Variants in TENM2 observed in about 807,000 individuals in gnomAD.
TENM2 encodes the protein teneurin-2.
Under a neutral mutation model 245.2 loss-of-function variants are expected in TENM2, and 52 were observed. The ratio of observed to expected loss-of-function variants is 0.21; its 90% CI spans 0.17 to 0.27. The LOEUF is 0.27. TENM2 is among the 10% of genes least tolerant of loss of function. The pLI is 1.00. For missense variants in TENM2, 3,046 were observed against 3,666.8 expected (o/e 0.83, Z 4.37); for synonymous variants, 1,363 against 1,438.9 (o/e 0.95, Z 1.19).
chr5:167,800,387 G>A (rs941002682), intron 2 of TENM2, among the ~76,000 whole-genome samples: 3 of 152,246 alleles, frequency 2.0e-5, no homozygotes, highest in East Asian at 1.9e-4. Context: ...GAAGTCTGTC[G>A]TGGAACACCC....
At chr5:166,987,107 G>A in the TENM2 span, among the ~76,000 whole-genome samples, 1 of 152,148 alleles carries the variant, frequency 6.6e-6, no homozygotes, top group Non-Finnish European at 1.5e-5. Context: ...GGTATATGAG[G>A]GGCACTGGTT....
intron 2 of TENM2, among the ~76,000 whole-genome samples, chr5:167,607,791 G>C (rs930787463): frequency 1.3e-5 from 2 of 152,170 alleles, no homozygotes; most frequent in African/African-American, 4.8e-5. Context: ...CCTGCCCTGT[G>C]TTGCTTCCAG....
At chr5:167,730,250 C>T (rs1760326203) in intron 2 of TENM2, among the ~76,000 whole-genome samples, 1 of 152,124 alleles carries the variant, frequency 6.6e-6, no homozygotes, top group African/African-American at 2.4e-5. Context: ...AATTTTTGGT[C>T]ACTTATGCAA....
intron 2 of TENM2, among the ~76,000 whole-genome samples, chr5:167,702,566 A>G (rs1357646239): frequency 1.4e-5 from 2 of 147,538 alleles, no homozygotes; most frequent in Non-Finnish European, 3.0e-5. Flanking sequence ...ATATATATAT[A>G]TATATACATA....
intron 2 of TENM2, among the ~76,000 whole-genome samples, chr5:167,512,483 C>T (rs1049792028): frequency 6.6e-6 from 1 of 152,164 alleles, no homozygotes; most frequent in African/African-American, 2.4e-5. Flanking sequence ...ATACAGATTA[C>T]AATCCCTACA....
chr5:166,988,619 G>A, the TENM2 span, among the ~76,000 whole-genome samples: 7 of 152,190 alleles, frequency 4.6e-5, no homozygotes, highest in African/African-American at 1.7e-4. Flanking sequence ...TCTGGCTAAC[G>A]TAGGTGGAAA....
At chr5:168,101,154 G>A (rs902250014) in intron 9 of TENM2, among the ~76,000 whole-genome samples, 2 of 152,064 alleles carry the variant, frequency 1.3e-5, no homozygotes, top group African/African-American at 2.4e-5. Context: ...TTTTCCTAGC[G>A]GAGGCTTTAA....
chr5:167,311,826 A>G (rs574693482), intron 1 of TENM2, among the ~76,000 whole-genome samples: 5 of 152,256 alleles, frequency 3.3e-5, no homozygotes, highest in African/African-American at 1.2e-4. Context: ...CATATTCTAA[A>G]TTTTTCAGCC....
intron 12 of TENM2, among the ~76,000 whole-genome samples, chr5:168,146,484 G>T (rs527901915): frequency 1.3e-5 from 2 of 152,226 alleles, no homozygotes; most frequent in South Asian, 4.2e-4. Flanking sequence ...TGTCTTTATC[G>T]CCCCTGCCTG....
chr5:167,760,436 C>T (rs1189524617), intron 2 of TENM2, among the ~76,000 whole-genome samples: 1 of 152,172 alleles, frequency 6.6e-6, no homozygotes, highest in Non-Finnish European at 1.5e-5. Context: ...GTGAGTTAGA[C>T]TTAGGCCCTA....
intron 2 of TENM2, among the ~76,000 whole-genome samples, chr5:167,780,098 G>A (rs1185306970): frequency 6.6e-6 from 1 of 152,118 alleles, no homozygotes; most frequent in African/African-American, 2.4e-5. Flanking sequence ...TACACACTTG[G>A]CATTAAGAAG....
At chr5:167,999,075 G>A (rs1784254939) in intron 5 of TENM2, among the ~76,000 whole-genome samples, 1 of 152,140 alleles carries the variant, frequency 6.6e-6, no homozygotes, top group South Asian at 2.1e-4. Context: ...GATGAGAATG[G>A]TACACTTGCC....
At chr5:166,989,115 CCTGGAGT>C in the TENM2 span, among the ~76,000 whole-genome samples, 1 of 151,944 alleles carries the variant, frequency 6.6e-6, no homozygotes, top group African/African-American at 2.4e-5. Context: ...TGTGGCTCAG[CCTGGAGT>C]ACAGTGGTGC....
chr5:167,429,607 CTTTTTTTTTTT>C (rs10587909), intron 2 of TENM2, among the ~76,000 whole-genome samples: 1 of 78,706 alleles, frequency 1.3e-5, no homozygotes, highest in Non-Finnish European at 2.4e-5. Flanking sequence ...CTCTCTCTCT[CTTTTTTTTTTT>C]TTTTTTTTTT....
At chr5:167,416,519 G>A (rs977564212) in intron 2 of TENM2, among the ~76,000 whole-genome samples, 10 of 152,098 alleles carry the variant, frequency 6.6e-5, no homozygotes, top group Admixed American at 6.6e-4. Flanking sequence ...CAAGATAAAC[G>A]GACTGTCAGG....
chr5:167,520,251 C>T (rs768603807), intron 2 of TENM2, among the ~76,000 whole-genome samples: 3 of 152,144 alleles, frequency 2.0e-5, no homozygotes, highest in Non-Finnish European at 4.4e-5. Flanking sequence ...GAGCAGTACA[C>T]ATCAAGATGC....
chr5:167,981,159 A>G (rs762312163), intron 4 of TENM2, among the ~76,000 whole-genome samples: 2 of 152,184 alleles, frequency 1.3e-5, no homozygotes, highest in African/African-American at 2.4e-5. Flanking sequence ...AGAGCTTTCC[A>G]TGGAATCGCC....
chr5:167,863,067 C>A (rs79452704), intron 2 of TENM2, among the ~76,000 whole-genome samples: 1 of 152,144 alleles, frequency 6.6e-6, no homozygotes, highest in East Asian at 1.9e-4. Flanking sequence ...CTTGGCTTTG[C>A]GCATTACTTA....
intron 5 of TENM2, among the ~76,000 whole-genome samples, chr5:168,041,377 A>G (rs1054731610): frequency 3.3e-5 from 5 of 152,144 alleles, no homozygotes; most frequent in Non-Finnish European, 5.9e-5. Flanking sequence ...CTTCCAAACA[A>G]AAGGCAAAGC....
Sources: allele counts gnomAD v4.1 joint callset (sites outside exome capture counted in the v4.1 genomes callset), GRCh38; gene constraint gnomAD v4.1.1; transcripts MANE v1.5; gene names NCBI Gene and HGNC (gene_info 2026-07-23, HGNC 2026-07-21).